TSPAN14: variants seen among roughly 807,000 people sequenced by gnomAD.
TSPAN14 encodes the protein tetraspanin 14, also known as tetraspanin-14.
In TSPAN14, 16 loss-of-function variants were observed where a neutral mutation model predicts 36.6. The observed-to-expected ratio is 0.44, with a 90% CI of 0.30 to 0.66. The LOEUF (loss-of-function observed/expected upper bound fraction) is 0.66. Among genes scored for constraint, TSPAN14 ranks in the 30% least tolerant of loss-of-function variants. The pLI is 0.12. For synonymous variants in TSPAN14, 139 were observed against 143.8 expected (o/e 0.97, Z 0.24); for missense variants, 231 against 355.1 (o/e 0.65, Z 2.81).
At chr10:80,503,539 T>C (rs1403427060) in intron 2 of TSPAN14, among the ~76,000 whole-genome samples, 3 of 152,020 alleles carry the variant, frequency 2.0e-5, no homozygotes, top group African/African-American at 7.2e-5. Flanking sequence ...GGGGGTTCTT[T>C]ACTTAGTGTT....
chr10:80,512,075 G>A (rs1173492006), intron 5 of TSPAN14, 69 bp from the exon 6 acceptor site: 1 of 1,605,024 alleles, frequency 6.2e-7, no homozygotes, highest in East Asian at 2.2e-5. Context: ...CACTATGAAT[G>A]ATGCCCTATG....
At chr10:80,505,690 G>C (rs1340441187) in intron 3 of TSPAN14, among the ~76,000 whole-genome samples, 1 of 152,196 alleles carries the variant, frequency 6.6e-6, no homozygotes. Flanking sequence ...GCTGGGGTAC[G>C]ATGTCCCTTT....
At chr10:80,510,793 G>C (rs959967565) in intron 5 of TSPAN14, among the ~76,000 whole-genome samples, 16 of 152,136 alleles carry the variant, frequency 1.1e-4, no homozygotes, top group Non-Finnish European at 1.5e-4. Flanking sequence ...AGAATGGTGT[G>C]AACCCGGGAG....
rs1435787163 is a variant in TSPAN14, at chr10:80,509,791, G to T, written c.450+320G>T. On this transcript the variant is annotated intron_variant, in intron 5 of 8. Coordinates refer to ENST00000429989, the Ensembl canonical transcript of TSPAN14. This position sits in a 1 kb window ranked among gnomAD's most constrained non-coding sequence, Gnocchi z 4.7. ...ATCCTGCCCAATAGCCATACCAGCT[G>T]CAATCCTCCTTAGGCGCTGCATACC... 1 of 312,550 alleles carries T rather than the reference G, an allele frequency of 3.2e-6. No individual in the cohort carries two copies. Among genetic ancestry groups the T allele is most frequent in the East Asian group, 7.4e-5 (1 of 13,530 alleles). 19.4% of individuals were successfully genotyped at this position (312,550 alleles called of 1,614,324 possible).
intron 3 of TSPAN14, 85 bp downstream of exon 3, chr10:80,504,863 C>T (rs564325586): frequency 3.5e-6 from 5 of 1,425,476 alleles, no homozygotes; most frequent in Non-Finnish European, 4.0e-6. Flanking sequence ...CCAATCTGTT[C>T]CCTGACAACA....
intron 1 of TSPAN14, among the ~76,000 whole-genome samples, chr10:80,460,738 A>G (rs1845924945): frequency 6.6e-6 from 1 of 151,924 alleles, no homozygotes; most frequent in Non-Finnish European, 1.5e-5. Context: ...TCCCCTCTGC[A>G]CCCAGGAAAT....
chr10:80,457,678 C>G (rs1395402015), intron 1 of TSPAN14, among the ~76,000 whole-genome samples: 1 of 152,170 alleles, frequency 6.6e-6, no homozygotes, highest in Non-Finnish European at 1.5e-5. Context: ...ACCCCGGAAC[C>G]CCCGCTGATT....
chr10:80,517,324 G>A (rs895738517), intron 8 of TSPAN14, among the ~76,000 whole-genome samples: 2 of 152,134 alleles, frequency 1.3e-5, no homozygotes, highest in Non-Finnish European at 2.9e-5. Context: ...AACCACACAA[G>A]AATTTAAAGG....
Position 80,489,198 on chromosome 10 carries a change from G to T in TSPAN14, c.-17-19G>T. On this transcript the variant is annotated intron_variant, in intron 1 of 8. Transcript: ENST00000429989. ...TAACGCTGAGCCTGCCATCTCACTAGTCACACATCTCTCCGCAGATTCTGC... is the reference window on the plus strand; with the variant it reads ...TAACGCTGAGCCTGCCATCTCACTATTCACACATCTCTCCGCAGATTCTGC... The T allele has an allele frequency of 6.6e-7, 1 of 1,525,318 alleles. No individual in the cohort carries two copies. Among genetic ancestry groups the T allele is most frequent in the Non-Finnish European group, 8.9e-7 (1 of 1,120,546 alleles). The allele number at this position is 1,525,318 out of a possible 1,614,324, so 94.5% of individuals were successfully genotyped here.
At chr10:80,472,859 T>G (rs74477189) in intron 1 of TSPAN14, among the ~76,000 whole-genome samples, 1,809 of 152,336 alleles carry the variant, frequency 0.012, 73 homozygotes, top group East Asian at 0.089. Context: ...CAAGCTGCTG[T>G]GAATGACAGC....
intron 2 of TSPAN14, among the ~76,000 whole-genome samples, chr10:80,491,167 T>C (rs1847901113): frequency 6.6e-6 from 1 of 152,214 alleles, no homozygotes; most frequent in Admixed American, 6.5e-5. Context: ...TTAGCCCACA[T>C]CTTTTCCTGT....
intron 7 of TSPAN14, 55 bp downstream of exon 7, chr10:80,514,118 G>C (rs918630080): frequency 6.6e-7 from 1 of 1,513,364 alleles, no homozygotes; most frequent in African/African-American, 1.4e-5. Flanking sequence ...ATTCCCTGTG[G>C]TTCAACATTC....
chr10:80,470,646 C>G (rs1846493537), intron 1 of TSPAN14, among the ~76,000 whole-genome samples: 1 of 152,224 alleles, frequency 6.6e-6, no homozygotes, highest in Admixed American at 6.5e-5. Flanking sequence ...GGTCAAATCC[C>G]TGCAGCCTAC....
chr10:80,483,457 C>T (rs1455389881), intron 1 of TSPAN14, among the ~76,000 whole-genome samples: 1 of 152,098 alleles, frequency 6.6e-6, no homozygotes, highest in East Asian at 1.9e-4. Context: ...TTTCTGGAGG[C>T]AAATTCTTAG....
intron 1 of TSPAN14, among the ~76,000 whole-genome samples, chr10:80,457,325 A>G (rs930464613): frequency 6.6e-6 from 1 of 151,830 alleles, no homozygotes; most frequent in African/African-American, 2.4e-5. Flanking sequence ...AGTAGCTTGG[A>G]CTACAGGTGT....
At chr10:80,457,153 A>G (rs1845770579) in intron 1 of TSPAN14, among the ~76,000 whole-genome samples, 1 of 152,172 alleles carries the variant, frequency 6.6e-6, no homozygotes, top group Admixed American at 6.5e-5. Flanking sequence ...GTCACAGAGT[A>G]ACTTGCTTGA....
chr10:80,481,965 G>A (rs1441021088), intron 1 of TSPAN14, among the ~76,000 whole-genome samples: 1 of 152,178 alleles, frequency 6.6e-6, no homozygotes, highest in Non-Finnish European at 1.5e-5. Flanking sequence ...ATGTTAGCCA[G>A]GATGGTCTCG....
At chr10:80,463,437 C>T (rs1489902970) in intron 1 of TSPAN14, among the ~76,000 whole-genome samples, 1 of 152,216 alleles carries the variant, frequency 6.6e-6, no homozygotes, top group African/African-American at 2.4e-5. Flanking sequence ...ATGTTCAGTG[C>T]CTAGTCAAGC....
At chr10:80,499,663 G>C (rs1848387325) in intron 2 of TSPAN14, among the ~76,000 whole-genome samples, 1 of 152,192 alleles carries the variant, frequency 6.6e-6, no homozygotes, top group Admixed American at 6.5e-5. Flanking sequence ...GGACCAAATT[G>C]CTCTACATTT....
Sources: gnomAD v4.1 joint callset for allele counts (sites outside exome capture counted in the v4.1 genomes callset) on GRCh38, gnomAD v4.1.1 for gene constraint, Gnocchi (gnomAD v3.1) non-coding constraint, MANE v1.5 for transcripts, NCBI Gene and HGNC (gene_info 2026-07-23, HGNC 2026-07-21) for gene names.